The following FRY variants were observed in gnomAD, a reference collection of about 807,000 sequenced individuals.
FRY encodes protein furry homolog.
In FRY, 128 loss-of-function variants were observed where a neutral mutation model predicts 348.4. The ratio of observed to expected loss-of-function variants is 0.37; its 90% CI spans 0.32 to 0.43. The LOEUF (loss-of-function observed/expected upper bound fraction) is 0.43, where lower values mean the gene tolerates loss of function less well. Among genes scored for constraint, FRY ranks in the 20% least tolerant of loss-of-function variants. FRY has a pLI of 1.00. For synonymous variants in FRY, 1,370 were observed against 1,374.7 expected, an observed-to-expected ratio of 1.00 and a Z score of 0.08; for missense variants, 2,736 against 3,695.2, an observed-to-expected ratio of 0.74 and a Z score of 6.73.
intron 17 of FRY, among the ~76,000 whole-genome samples, chr13:32,168,832 T>C (rs1593690830): frequency 1.3e-5 from 2 of 152,216 alleles, no homozygotes; most frequent in East Asian, 3.8e-4. Flanking sequence ...TTATGCTTTA[T>C]AAAATAAGAC....
At chr13:32,197,180 TTAAA>T (rs1883724062) in intron 29 of FRY, among the ~76,000 whole-genome samples, 1 of 152,250 alleles carries the variant, frequency 6.6e-6, no homozygotes, top group African/African-American at 2.4e-5. Flanking sequence ...GTGTTGATTT[TTAAA>T]TAATTTTGTT....
chr13:32,147,421 C>T (rs750548366), intron 12 of FRY, 36 bp downstream of exon 12: 20 of 1,121,326 alleles, frequency 1.8e-5, no homozygotes, highest in East Asian at 9.4e-5. Context: ...AACCATATCA[C>T]TCAGCCACTG....
In FRY at chr13:32,126,872, T is replaced by A. The variant is rs1289380461; in HGVS notation, c.716+1997T>A. ...TATCTTTTTTAAAAAAGTTGAGTAA[T>A]GTAATAATTCTAATTTTAGATTATA... is the stretch of plus-strand genomic sequence containing the variant. On this transcript the variant is annotated intron_variant, in intron 7 of 60. Transcript: ENST00000542859. 3.3e-5 allele frequency among the ~76,000 whole-genome samples: 5 copies of A among 152,216 alleles called. No individual in the cohort carries two copies. In the East Asian group the frequency reaches 9.6e-4, roughly 29 times the overall value.
intron 1 of FRY, among the ~76,000 whole-genome samples, chr13:32,059,760 G>A (rs1873836736): frequency 6.6e-6 from 1 of 152,118 alleles, no homozygotes; most frequent in African/African-American, 2.4e-5. Context: ...TACAGAATGA[G>A]AAGGACTTTA....
At chr13:32,109,022 GA>G (rs1383319030) in intron 3 of FRY, among the ~76,000 whole-genome samples, 1 of 152,172 alleles carries the variant, frequency 6.6e-6, no homozygotes, top group African/African-American at 2.4e-5. Flanking sequence ...CAATGGTCAT[GA>G]AGGCAGTAAT....
chr13:32,100,345 C>T (rs1194520788), intron 2 of FRY, among the ~76,000 whole-genome samples: 1 of 151,964 alleles, frequency 6.6e-6, no homozygotes, highest in Admixed American at 6.6e-5. Context: ...TCCCAAAGTG[C>T]TGGGATTACA....
chr13:32,257,930 G>T, intron 51 of FRY: 1 of 1,591,270 alleles, frequency 6.3e-7, no homozygotes, highest in South Asian at 1.1e-5. Context: ...TAGACCTTTT[G>T]TTTGTTTTTC....
chr13:32,053,299 A>G (rs1275824846), intron 1 of FRY, among the ~76,000 whole-genome samples: 1 of 152,046 alleles, frequency 6.6e-6, no homozygotes, highest in Admixed American at 6.5e-5. Flanking sequence ...CTTAGACTGG[A>G]TTTTATTTTG....
rs1468340452 is a variant in FRY, at chr13:32,297,741, CT to C, written c.*2283del. The C allele has an allele frequency of 6.6e-6, 1 of 152,184 alleles. No homozygotes were observed. Among genetic ancestry groups the C allele is most frequent in the Non-Finnish European group, 1.5e-5 (1 of 68,040 alleles). The allele number at this position is 152,184 out of a possible 1,614,324, so 9.4% of individuals were successfully genotyped here. On this transcript the variant is annotated 3_prime_UTR_variant, in exon 61 of 61. Transcript: ENST00000542859. Reference sequence around the variant, plus strand: ...ATAACTTTAGATCTACCAGTCAAATCTTGTCGGCTATTGCTCTGTGCCTCTG... The same window carrying C: ...ATAACTTTAGATCTACCAGTCAAATCTGTCGGCTATTGCTCTGTGCCTCTG...
intron 15 of FRY, among the ~76,000 whole-genome samples, chr13:32,156,400 G>C (rs1292795398): frequency 1.3e-5 from 2 of 152,198 alleles, no homozygotes; most frequent in Admixed American, 1.3e-4. Context: ...TTGGGAGTTC[G>C]AGACCAACCT....
chr13:32,173,443 G>A lies in FRY; in HGVS notation c.2228G>A (p.Gly743Asp). Reference protein sequence around the residue: ...PHCSVLHAVEGFALVLLCSFQ... With the variant: ...PHCSVLHAVEDFALVLLCSFQ... ...TGCAGTGTACTCCACGCTGTAGAAG[G>A]TTTTGCTCTGGTTTTACTCTGCAGT... The change falls in exon 19 of 61, where the codon GGT (glycine) becomes GAT (aspartate). Residue 743 changes from glycine (G) to aspartate (D), a missense_variant. Around this residue, in one of 9 missense-constraint regions of FRY, gnomAD observed 449 missense variants for 576.9 expected, o/e 0.78. Coordinates refer to ENST00000542859, the MANE Select transcript of FRY (RefSeq NM_023037.3). 6.2e-7 allele frequency: 1 copy of A among 1,613,026 alleles called. No individual in the cohort carries two copies. The highest frequency in any genetic ancestry group is 8.5e-7 in the Non-Finnish European group (1 of 1,179,792).
intron 14 of FRY, 141 bp from the exon 15 acceptor site, chr13:32,155,350 T>C: frequency 1.4e-6 from 1 of 701,980 alleles, no homozygotes; most frequent in Non-Finnish European, 2.5e-6. Flanking sequence ...ATAAGATTGC[T>C]CTACACTCTT....
intron 55 of FRY, among the ~76,000 whole-genome samples, chr13:32,268,617 C>T (rs908552822): frequency 2.7e-5 from 4 of 147,442 alleles, no homozygotes; most frequent in Non-Finnish European, 4.4e-5. Flanking sequence ...TATCTTTTCA[C>T]GGTAATGATA....
intron 3 of FRY, among the ~76,000 whole-genome samples, chr13:32,106,395 A>C (rs147370638): frequency 2.0e-5 from 3 of 152,180 alleles, no homozygotes; most frequent in African/African-American, 7.2e-5. Flanking sequence ...GAGAGTTCAG[A>C]GGGAAGTTTT....
In FRY at chr13:32,138,481, C is replaced by T. The variant is rs115929886; in HGVS notation, c.1179+1509C>T. ...CATAGCAGATCATCTTACTTTGGAACTTAATTACTTCAAAGTTAGAATATT... is the reference window on the plus strand; with the variant it reads ...CATAGCAGATCATCTTACTTTGGAATTTAATTACTTCAAAGTTAGAATATT... On this transcript the variant is annotated intron_variant, in intron 11 of 60. Coordinates refer to ENST00000542859, the MANE Select transcript of FRY (RefSeq NM_023037.3). Among the ~76,000 whole-genome samples, 816 of 152,238 alleles carry T rather than the reference C, an allele frequency of 5.4e-3. 5 individuals carry two copies. The highest frequency in any genetic ancestry group is 0.019 in the African/African-American group (785 of 41,544).
chr13:32,155,938 A>T (rs1410532857), intron 15 of FRY, among the ~76,000 whole-genome samples: 1 of 152,204 alleles, frequency 6.6e-6, no homozygotes, highest in African/African-American at 2.4e-5. Context: ...GTTTTTCAGT[A>T]AGTCTCCAAG....
chr13:32,273,666 A>G (rs946703247), intron 55 of FRY, among the ~76,000 whole-genome samples: 1 of 152,110 alleles, frequency 6.6e-6, no homozygotes, highest in African/African-American at 2.4e-5. Flanking sequence ...AGCATTTACT[A>G]CTTTACTCTT....
Position 32,064,322 on chromosome 13 carries a change from G to A in FRY, c.71-14512G>A, listed in dbSNP as rs74539297. 8.5e-3 allele frequency among the ~76,000 whole-genome samples: 1,296 copies of A among 151,822 alleles called. 22 individuals are homozygous for A. The highest frequency in any genetic ancestry group is 0.081 in the East Asian group (416 of 5,146). ...TTCCACTTTGAAGGTTTCCCTGACT[G>A]TCTCTATCAACAGTTATTTCTAGTT... is the stretch of plus-strand genomic sequence containing the variant. On this transcript the variant is annotated intron_variant, in intron 1 of 60. Transcript: ENST00000542859.
At chr13:32,208,175 A>G (rs1227829881) in intron 31 of FRY, among the ~76,000 whole-genome samples, 2 of 152,242 alleles carry the variant, frequency 1.3e-5, no homozygotes, top group Non-Finnish European at 2.9e-5. Context: ...CCACATGCTT[A>G]GCAGTTTTCA....
Sources: allele counts gnomAD v4.1 joint callset (sites outside exome capture counted in the v4.1 genomes callset), GRCh38; gene constraint gnomAD v4.1.1; regional missense constraint gnomAD v4.1.1; transcripts MANE v1.5; gene names NCBI Gene and HGNC (gene_info 2026-07-23, HGNC 2026-07-21).